The following RHOF variants were observed in gnomAD, a reference collection of about 807,000 sequenced individuals.
RHOF encodes the protein rho-related GTP-binding protein RhoF.
A neutral mutation model predicts 22.2 loss-of-function variants in RHOF; 21 were observed. The ratio of observed to expected loss-of-function variants is 0.95; its 90% CI spans 0.67 to 1.36. The LOEUF (loss-of-function observed/expected upper bound fraction) is 1.36. Ranked by LOEUF, RHOF falls within the 40% of genes most tolerant of loss-of-function variation. The pLI, the probability that RHOF is intolerant of heterozygous loss-of-function variation, is 0.00. For missense variants in RHOF, 285 were observed against 293.7 expected (o/e 0.97, Z 0.22); for synonymous variants, 135 against 131.2 (o/e 1.03, Z -0.20).
At chr12:121,788,902 C>G (rs1225674275) in intron 2 of RHOF, among the ~76,000 whole-genome samples, 1 of 152,078 alleles carries the variant, frequency 6.6e-6, no homozygotes, top group Non-Finnish European at 1.5e-5. Flanking sequence ...GTGGTCAGAA[C>G]CCCAGAATCT....
chr12:121,786,764 G>A (rs536818315), intron 2 of RHOF, among the ~76,000 whole-genome samples: 94 of 151,930 alleles, frequency 6.2e-4, no homozygotes, highest in African/African-American at 2.1e-3. Context: ...GGGCCGGGCG[G>A]GGTGATTCAC....
rs1410569008 is a variant in RHOF, at chr12:121,779,075, C to T, written c.*423G>A. On this transcript the variant is annotated 3_prime_UTR_variant, in exon 5 of 5. Transcript: ENST00000267205. ...AAGGAGCTGGAGGATACAGTGGTGC[C>T]TATCTCGGGAGCCCAGGGAGGCAGG... 2 of 180,168 alleles carry T rather than the reference C, an allele frequency of 1.1e-5. No homozygotes were observed. Among genetic ancestry groups the T allele is most frequent in the African/African-American group, 4.7e-5 (2 of 42,712 alleles). The allele number at this position is 180,168 out of a possible 1,614,324, so 11.2% of individuals were successfully genotyped here. A position where few individuals can be genotyped will look rare whatever the true frequency, so the allele number is the denominator to read the frequency against.
chr12:121,779,481 G>A lies in RHOF; in HGVS notation c.*17C>T. ...CCGGGCCCTGTCAGTGCTGTCGTGA[G>A]GTCTGTCTGCCCTGGGTCAGAGCAG... On this transcript the variant is annotated 3_prime_UTR_variant, in exon 5 of 5. Coordinates refer to ENST00000267205, the MANE Select transcript of RHOF (RefSeq NM_019034.3). 1 of 1,609,482 alleles carries A rather than the reference G, an allele frequency of 6.2e-7. No homozygotes were observed. Among genetic ancestry groups the A allele is most frequent in the Non-Finnish European group, 8.5e-7 (1 of 1,179,742 alleles).
intron 2 of RHOF, chr12:121,781,881 T>C (rs9165): frequency 0.6 from 91,032 of 152,186 alleles, 28,257 homozygotes; most frequent in Middle Eastern, 0.72. Flanking sequence ...GCACACTCCC[T>C]GGGGGGATAC....
intron 2 of RHOF, among the ~76,000 whole-genome samples, chr12:121,792,572 T>TAA (rs1475379206): frequency 6.6e-6 from 1 of 152,214 alleles, no homozygotes. Flanking sequence ...AGCACAGAAG[T>TAA]AATTGTAGCC....
chr12:121,781,182 GTCT>G lies in RHOF; in HGVS notation c.234_236del (p.Glu78del), dbSNP rs771228476. Reference sequence around the variant, plus strand: ...AGGACAGGGGCCGCAGCCGGTCATAGTCTTCTTGCCCTGAAAGCACAGAGCAGC... The same window carrying G: ...AGGACAGGGGCCGCAGCCGGTCATAGTCTTGCCCTGAAAGCACAGAGCAGC... On this transcript the variant is annotated inframe_deletion, in exon 3 of 5. Transcript: ENST00000267205. The G allele has an allele frequency of 9.3e-6, 15 of 1,614,102 alleles. No individual in the cohort carries two copies. Among genetic ancestry groups the G allele is most frequent in the African/African-American group, 6.7e-5 (5 of 74,946 alleles).
At chr12:121,786,946 G>A (rs1258548455) in intron 2 of RHOF, among the ~76,000 whole-genome samples, 1 of 152,174 alleles carries the variant, frequency 6.6e-6, no homozygotes, top group Non-Finnish European at 1.5e-5. Context: ...GCTGAGGCTG[G>A]AGAATTGCTT....
At chr12:121,787,305 G>C (rs1272544400) in intron 2 of RHOF, among the ~76,000 whole-genome samples, 1 of 152,188 alleles carries the variant, frequency 6.6e-6, no homozygotes, top group Non-Finnish European at 1.5e-5. Context: ...AGCCACCCTG[G>C]GAGGTGCGCT....
chr12:121,781,567 T>C (rs1874459074), intron 2 of RHOF: 1 of 229,132 alleles, frequency 4.4e-6, no homozygotes, highest in African/African-American at 2.3e-5. Context: ...CTTGGCCTGA[T>C]TCTAGGGCTG....
chr12:121,793,104 C>T (rs745858833), intron 2 of RHOF, 48 bp downstream of exon 2: 14 of 1,497,570 alleles, frequency 9.3e-6, no homozygotes, highest in Admixed American at 7.9e-5. Flanking sequence ...AGGGGAAACC[C>T]TTCGGGCGGG....
chr12:121,788,915 G>A (rs1874687455), intron 2 of RHOF, among the ~76,000 whole-genome samples: 1 of 152,082 alleles, frequency 6.6e-6, no homozygotes, highest in African/African-American at 2.4e-5. Context: ...CAGAATCTTT[G>A]GACCCAGAAG....
At position 121,793,498 on chromosome 12, in the gene RHOF, CG is replaced by C. The variant is rs1874821804; in HGVS notation, c.135del (p.Glu46SerfsTer15). ...LLMVYSQGSFPEHYAPSVFEK... is the reference protein window; with the variant it reads ...LLMVYSQGSFXEHYAPSVFEK... Reference sequence around the variant, plus strand: ...CCCAGCCCCGCTGCGGGCCTCACCTCGGGGAAGGAGCCCTGGCTGTACACCA... The same window carrying C: ...CCCAGCCCCGCTGCGGGCCTCACCTCGGGAAGGAGCCCTGGCTGTACACCA... On this transcript the variant is annotated frameshift_variant, in exon 1 of 5. Coordinates refer to ENST00000267205, the MANE Select transcript of RHOF (RefSeq NM_019034.3). LOFTEE classifies it high-confidence loss of function. 6.5e-7 allele frequency: 1 copy of C among 1,541,852 alleles called. No homozygotes were observed.
intron 2 of RHOF, among the ~76,000 whole-genome samples, chr12:121,787,313 G>T (rs573178071): frequency 6.6e-6 from 1 of 152,288 alleles, no homozygotes; most frequent in South Asian, 2.1e-4. Flanking sequence ...TGGGAGGTGC[G>T]CTGGGTGGGG....
chr12:121,792,021 G>C (rs1299295627), intron 2 of RHOF, among the ~76,000 whole-genome samples: 2 of 152,228 alleles, frequency 1.3e-5, no homozygotes, highest in Non-Finnish European at 2.9e-5. Context: ...GCGCTGTTTT[G>C]GGGTTGGCCC....
chr12:121,788,664 A>G (rs898776729), intron 2 of RHOF, among the ~76,000 whole-genome samples: 3 of 152,118 alleles, frequency 2.0e-5, no homozygotes, highest in Non-Finnish European at 2.9e-5. Context: ...ATTGACGCCC[A>G]CATTTCCCTC....
intron 2 of RHOF, among the ~76,000 whole-genome samples, chr12:121,789,362 G>T (rs1317149638): frequency 6.6e-6 from 1 of 152,154 alleles, no homozygotes; most frequent in Non-Finnish European, 1.5e-5. Flanking sequence ...AGGCGGTGCG[G>T]CAGGGCTGGG....
chr12:121,785,590 C>T (rs1031133493), intron 2 of RHOF, among the ~76,000 whole-genome samples: 1 of 150,832 alleles, frequency 6.6e-6, no homozygotes, highest in Non-Finnish European at 1.5e-5. Context: ...CCATGCCTGG[C>T]TAATTTTTTT....
intron 4 of RHOF, chr12:121,780,224 A>T (rs1874399595): frequency 6.4e-6 from 1 of 156,296 alleles, no homozygotes; most frequent in African/African-American, 2.4e-5. Flanking sequence ...TGCCCGGCTA[A>T]TGTTGTATTT....
At position 121,780,964 on chromosome 12, in the gene RHOF, C is replaced by G; in HGVS notation, c.379G>C (p.Val127Leu). The G allele has an allele frequency of 6.2e-7, 1 of 1,614,090 alleles. No individual in the cohort carries two copies. Among genetic ancestry groups the G allele is most frequent in the Non-Finnish European group, 8.5e-7 (1 of 1,179,982 alleles). The stretch of plus-strand genomic sequence containing the variant: ...AGGTCTGTCTTGCAGCCGATGAGCA[C>G]CATGGGGATCCCGCGGCAGAAATGC... ...VTHFCRGIPM[V>L]LIGCKTDLRK... Residue 127 changes from valine to leucine, a missense_variant, in exon 4 of 5, where the codon GTG (valine) becomes CTG (leucine). Coordinates refer to ENST00000267205, the MANE Select transcript of RHOF (RefSeq NM_019034.3).
Sources: allele counts gnomAD v4.1 joint callset (sites outside exome capture counted in the v4.1 genomes callset), GRCh38; gene constraint gnomAD v4.1.1; transcripts MANE v1.5; gene names NCBI Gene and HGNC (gene_info 2026-07-23, HGNC 2026-07-21).